STAB1: variants seen among roughly 807,000 people sequenced by gnomAD.
STAB1 encodes the protein stabilin 1.
In STAB1, 250 loss-of-function variants were observed where a neutral mutation model predicts 332.4. That is an observed-to-expected ratio of 0.75 (90% confidence interval 0.68 to 0.84). STAB1 has a LOEUF of 0.84. STAB1 is among the 40% of genes least tolerant of loss of function. The pLI is 0.00. For synonymous variants in STAB1, 1,475 were observed against 1,390.4 expected, an observed-to-expected ratio of 1.06 and a Z score of -1.35; for missense variants, 3,249 against 3,489.7, an observed-to-expected ratio of 0.93 and a Z score of 1.74.
chr3:52,508,222 A>G (rs1174437233), intron 20 of STAB1, 51 bp from the exon 21 acceptor site: 1 of 1,549,208 alleles, frequency 6.5e-7, no homozygotes, highest in Non-Finnish European at 8.8e-7. Flanking sequence ...CAGCCTGGGC[A>G]GGGAGGGCAT....
At chr3:52,523,178 CGAG>C (rs1559727188) in intron 63 of STAB1, 41 bp from the exon 64 acceptor site, 1 of 1,611,888 alleles carries the variant, frequency 6.2e-7, no homozygotes. Context: ...CTGGGATCCC[CGAG>C]GAGGGAGCCT....
At chr3:52,512,537 G>A (rs993818079) in intron 27 of STAB1, 59 bp from the exon 28 acceptor site, 64 of 1,613,066 alleles carry the variant, frequency 4.0e-5, no homozygotes, top group Non-Finnish European at 4.9e-5. Context: ...GATCCATGGT[G>A]GGGAAGGGGC....
chr3:52,522,940 G>T lies in STAB1; in HGVS notation c.6910G>T (p.Asp2304Tyr). Residue 2304 changes from aspartate (D) to tyrosine (Y), a missense_variant and splice_region_variant, in exon 62 of 69, where the codon GAT (aspartate) becomes TAT (tyrosine). Transcript: ENST00000321725. ...RWDAYCFRVQDVACRCRNGFV... is the reference protein window; with the variant it reads ...RWDAYCFRVQYVACRCRNGFV... ...GGATGCCTACTGCTTCCGTGTGCAA[G>T]GTGTGTCCACCCGACCAAACCCTAC... 1 of 1,612,630 alleles carries T rather than the reference G, an allele frequency of 6.2e-7. No individual in the cohort carries two copies. The highest frequency in any genetic ancestry group is 1.1e-5 in the South Asian group (1 of 91,072).
chr3:52,503,323 G>A, intron 7 of STAB1, 21 bp from the exon 8 acceptor site: 1 of 1,594,144 alleles, frequency 6.3e-7, no homozygotes. Context: ...GCTCACTTGG[G>A]CTCTCTCTCT....
intron 28 of STAB1, 61 bp from the exon 29 acceptor site, chr3:52,512,767 G>T: frequency 6.2e-7 from 1 of 1,606,244 alleles, no homozygotes. Context: ...TAGAGCAGGG[G>T]ATCTGAAGAT....
chr3:52,508,141 A>G (rs2153233327), intron 20 of STAB1, 115 bp downstream of exon 20: 1 of 1,365,568 alleles, frequency 7.3e-7, no homozygotes, highest in East Asian at 2.3e-5. Context: ...CTGCAGCCTG[A>G]CGGTGGAAAA....
intron 53 of STAB1, 24 bp from the exon 54 acceptor site, chr3:52,520,618 T>A (rs753728351): frequency 6.2e-7 from 1 of 1,612,848 alleles, no homozygotes; most frequent in Non-Finnish European, 8.5e-7. Context: ...CTGACTTTGC[T>A]GTATTGGCCT....
Position 52,504,033 on chromosome 3 carries a change from T to G in STAB1, c.1028T>G (p.Val343Gly). 1 of 1,603,400 alleles carries G rather than the reference T, an allele frequency of 6.2e-7. No homozygotes were observed. The highest frequency in any genetic ancestry group is 1.1e-5 in the South Asian group (1 of 90,154). Reference protein sequence around the residue: ...QVTADGKTSCVCRESEVGDGR... With the variant: ...QVTADGKTSCGCRESEVGDGR... ...GGCTCTCCCTGGGAGCCCAGCTGTGTGTGCAGGGAAAGCGAGGTGGGGGAT... is the reference window on the plus strand; with the variant it reads ...GGCTCTCCCTGGGAGCCCAGCTGTGGGTGCAGGGAAAGCGAGGTGGGGGAT... The change falls in exon 10 of 69, where the codon GTG (valine) becomes GGG (glycine). Residue 343 changes from valine to glycine, a missense_variant. Coordinates refer to ENST00000321725, the MANE Select transcript of STAB1 (RefSeq NM_015136.3).
At chr3:52,518,975 T>G in intron 48 of STAB1, 106 bp downstream of exon 48, 1 of 1,251,044 alleles carries the variant, frequency 8.0e-7, no homozygotes, top group Non-Finnish European at 1.0e-6. Flanking sequence ...CCACCTCCCC[T>G]AGCCAGGGGG....
At chr3:52,504,271 A>C in intron 10 of STAB1, 116 bp downstream of exon 10, 4 of 1,478,174 alleles carry the variant, frequency 2.7e-6, no homozygotes, top group Non-Finnish European at 3.6e-6. Flanking sequence ...GTGGGAACAA[A>C]CAGGTGGCTG....
Position 52,517,898 on chromosome 3 carries a change from C to T in STAB1, c.4656C>T (p.Ser1552=). 1 of 1,611,878 alleles carries T rather than the reference C, an allele frequency of 6.2e-7. No homozygotes were observed. Among genetic ancestry groups the T allele is most frequent in the Non-Finnish European group, 8.5e-7 (1 of 1,179,676 alleles). The change falls in exon 45 of 69, where the codon AGC becomes AGT. Residue 1552 remains serine (S), a synonymous_variant. Transcript: ENST00000321725. The part of the protein sequence containing the change: ...DPCSKNNGGC[S]PYATCKSTGD... ...TGACTCAGAACAATGGAGGATGCAG[C>T]CCATATGCCACCTGCAAAAGCACAG...
rs539676327 is a variant in STAB1 at position 52,506,770 on chromosome 3, C to G, written c.1909C>G (p.Leu637Val). 1.6e-4 allele frequency: 264 copies of G among 1,612,820 alleles called. No homozygotes were observed. Among genetic ancestry groups the G allele is most frequent in the Non-Finnish European group, 2.1e-4 (245 of 1,179,646 alleles). ...GGCCGCCAATGGTGTGATCCACATG[C>G]TGGACGGCATCCTGCTGCCCCCGAC... ...VMAANGVIHM[L>V]DGILLPPTIL... is the part of the protein sequence containing the mutation. Residue 637 changes from leucine (L) to valine (V), a missense_variant, in exon 18 of 69, where the codon CTG (leucine) becomes GTG (valine). Coordinates refer to ENST00000321725, the MANE Select transcript of STAB1 (RefSeq NM_015136.3).
In STAB1 at chr3:52,521,435, T is replaced by C; in HGVS notation, c.5983T>C (p.Cys1995Arg). 6.2e-7 allele frequency: 1 copy of C among 1,614,000 alleles called. No individual in the cohort carries two copies. The highest frequency in any genetic ancestry group is 8.5e-7 in the Non-Finnish European group (1 of 1,180,018). Residue 1995 changes from cysteine to arginine, a missense_variant, in exon 56 of 69, where the codon TGT becomes CGT. Cys to Arg is a radical substitution (Grantham distance 180). Coordinates refer to ENST00000321725, the MANE Select transcript of STAB1 (RefSeq NM_015136.3). Reference protein sequence around the residue: ...CMDGMSGSGQCLCRSGFAGTA... With the variant: ...CMDGMSGSGQRLCRSGFAGTA... Reference sequence around the variant, plus strand: ...GGACGGCATGAGTGGCAGTGGGCAGTGTCTGTGCCGTTCAGGTTTTGCTGG... The same window carrying C: ...GGACGGCATGAGTGGCAGTGGGCAGCGTCTGTGCCGTTCAGGTTTTGCTGG...
intron 46 of STAB1, 80 bp downstream of exon 46, chr3:52,518,439 G>A: frequency 6.4e-7 from 1 of 1,573,608 alleles, no homozygotes. Context: ...TCAGGGGGTT[G>A]GCTGGTTTGT....
chr3:52,495,610 G>C, intron 1 of STAB1, 119 bp downstream of exon 1: 1 of 948,538 alleles, frequency 1.1e-6, no homozygotes, highest in East Asian at 3.3e-5. Flanking sequence ...GCTGGCGCCT[G>C]TCTGGCCTCT....
In STAB1 at chr3:52,518,861, G is replaced by A. The variant is rs754863077; in HGVS notation, c.5026G>A (p.Glu1676Lys). 2.5e-6 allele frequency: 4 copies of A among 1,590,466 alleles called. No homozygotes were observed. Among genetic ancestry groups the A allele is most frequent in the East Asian group, 4.6e-5 (2 of 43,938 alleles). ...ALSGHPLRFSEREGSIYLNDF... is the reference protein window; with the variant it reads ...ALSGHPLRFSKREGSIYLNDF... ...CTCAGGGCACCCACTGCGCTTCAGC[G>A]AGAGGGAGGTGAGCCCTGGCCCTGG... The change falls in exon 48 of 69, where the codon GAG becomes AAG. Residue 1676 changes from glutamate to lysine, a missense_variant. Transcript: ENST00000321725.
At chr3:52,517,828 G>A in intron 44 of STAB1, 53 bp from the exon 45 acceptor site, 2 of 1,611,136 alleles carry the variant, frequency 1.2e-6, no homozygotes, top group Non-Finnish European at 1.7e-6. Flanking sequence ...GGCTGAGTGG[G>A]ATAGAGAAGT....
rs1427041051 is a variant in STAB1 at position 52,505,354 on chromosome 3, C to G, written c.1554C>G (p.Ala518=). 6.2e-7 allele frequency: 1 copy of G among 1,613,640 alleles called. No homozygotes were observed. Among genetic ancestry groups the G allele is most frequent in the African/African-American group, 1.3e-5 (1 of 75,056 alleles). The change falls in exon 14 of 69, where the codon GCC becomes GCG. Residue 518 remains alanine, a synonymous_variant. Transcript: ENST00000321725. ...GACAGATCCTCGCCTCTACCGAGGC[C>G]TTCAGCCGCTTTGAAACCATCCTGG... ...TIGQILASTE[A]FSRFETILEN... is the part of the protein sequence containing the mutation.
intron 27 of STAB1, 28 bp from the exon 28 acceptor site, chr3:52,512,568 G>A (rs1034217203): frequency 3.1e-6 from 5 of 1,613,944 alleles, no homozygotes; most frequent in Middle Eastern, 1.7e-4. Flanking sequence ...CCCTGGTCCT[G>A]TGACCTCAGA....
Sources: allele counts gnomAD v4.1 joint callset, GRCh38; gene constraint gnomAD v4.1.1; transcripts MANE v1.5; gene names NCBI Gene and HGNC (gene_info 2026-07-23, HGNC 2026-07-21).